Variants in ALCAM observed in about 807,000 individuals in gnomAD.
ALCAM encodes activated leukocyte cell adhesion molecule.
Under a neutral mutation model 70.9 loss-of-function variants are expected in ALCAM, and 30 were observed. That is an observed-to-expected ratio of 0.42 (90% CI 0.32 to 0.57). ALCAM has a LOEUF of 0.57. Ranked by LOEUF, ALCAM falls within the 20% of genes least tolerant of loss-of-function variation. The probability of loss-of-function intolerance (pLI) is 0.11; values close to 1 mark genes in which losing one functional copy is unlikely to be tolerated. For synonymous variants in ALCAM, 249 were observed against 242.5 expected, an observed-to-expected ratio of 1.03 and a Z score of -0.25; for missense variants, 591 against 695.1, an observed-to-expected ratio of 0.85 and a Z score of 1.68.
At chr3:105,461,608 G>A (rs1937606241) in intron 1 of ALCAM, among the ~76,000 whole-genome samples, 1 of 151,718 alleles carries the variant, frequency 6.6e-6, no homozygotes, top group East Asian at 1.9e-4. Flanking sequence ...GAAACTTGAG[G>A]AATGATTGGC....
chr3:105,378,394 A>G (rs560128151), intron 1 of ALCAM, among the ~76,000 whole-genome samples: 1 of 152,072 alleles, frequency 6.6e-6, no homozygotes, highest in Admixed American at 6.6e-5. Flanking sequence ...CTTATACTTT[A>G]TTCTGCAAGC....
chr3:105,458,279 T>C (rs1236124706), intron 1 of ALCAM, among the ~76,000 whole-genome samples: 2 of 152,214 alleles, frequency 1.3e-5, no homozygotes, highest in Non-Finnish European at 2.9e-5. Flanking sequence ...TACTTTAATG[T>C]ATCTTGAGAA....
chr3:105,397,312 T>G (rs1472871198), intron 1 of ALCAM, among the ~76,000 whole-genome samples: 2 of 152,030 alleles, frequency 1.3e-5, no homozygotes, highest in Non-Finnish European at 2.9e-5. Context: ...AAAGTGTATC[T>G]TCTGCAAGTT....
intron 1 of ALCAM, among the ~76,000 whole-genome samples, chr3:105,383,169 A>G (rs1935570186): frequency 6.6e-6 from 1 of 151,636 alleles, no homozygotes; most frequent in South Asian, 2.1e-4. Flanking sequence ...CACCTCCAGA[A>G]ATTCTTCCCT....
At chr3:105,460,182 T>G (rs1373557291) in intron 1 of ALCAM, among the ~76,000 whole-genome samples, 2 of 151,970 alleles carry the variant, frequency 1.3e-5, no homozygotes, top group African/African-American at 4.8e-5. Flanking sequence ...AAGGGAAACC[T>G]TTTTTCCCTT....
intron 1 of ALCAM, among the ~76,000 whole-genome samples, chr3:105,433,038 C>T (rs540252193): frequency 6.6e-6 from 1 of 152,214 alleles, no homozygotes; most frequent in East Asian, 1.9e-4. Flanking sequence ...TATAGGAAAG[C>T]AATCAGGATT....
In ALCAM at chr3:105,524,394, G is replaced by A. The variant is rs144550658; in HGVS notation, c.280G>A (p.Glu94Lys). ...ATACAAAGACAGATTGAACCTCTCA[G>A]AAAACTACACTTTGTCTATCAGTAA... ...PEYKDRLNLSENYTLSISNAR... is the reference protein window; with the variant it reads ...PEYKDRLNLSKNYTLSISNAR... Residue 94 changes from glutamate to lysine, a missense_variant, in exon 3 of 16, where the codon GAA becomes AAA. Around this residue, in one of 2 missense-constraint regions of ALCAM, gnomAD observed 427 missense variants for 450.4 expected, o/e 0.95. Coordinates refer to ENST00000306107, the MANE Select transcript of ALCAM (RefSeq NM_001627.4). The A allele has an allele frequency of 8.1e-6, 13 of 1,614,054 alleles. No individual in the cohort carries two copies. Among genetic ancestry groups the A allele is most frequent in the Non-Finnish European group, 1.1e-5 (13 of 1,180,028 alleles).
At chr3:105,556,067 T>C (rs1940510030) in intron 14 of ALCAM, among the ~76,000 whole-genome samples, 2 of 152,024 alleles carry the variant, frequency 1.3e-5, no homozygotes, top group South Asian at 2.1e-4. Context: ...GGTTACCTTC[T>C]ACTATGTTTT....
At chr3:105,414,085 G>C (rs1362249887) in intron 1 of ALCAM, among the ~76,000 whole-genome samples, 1 of 152,014 alleles carries the variant, frequency 6.6e-6, no homozygotes, top group African/African-American at 2.4e-5. Flanking sequence ...ATTTACGGTT[G>C]TCAGTAAAAG....
In ALCAM at chr3:105,367,334, C is replaced by T. The variant is rs1250523523; in HGVS notation, c.-75C>T. Reference sequence around the variant, plus strand: ...GCGTCGGGACCCGCCAGCGCGCGGGCACCGCGGGGCCCGGGACGACGCCCC... The same window carrying T: ...GCGTCGGGACCCGCCAGCGCGCGGGTACCGCGGGGCCCGGGACGACGCCCC... On this transcript the variant is annotated 5_prime_UTR_variant, in exon 1 of 16. Transcript: ENST00000306107. 4 of 1,516,922 alleles carry T rather than the reference C, an allele frequency of 2.6e-6. No individual in the cohort carries two copies. Among genetic ancestry groups the T allele is most frequent in the Non-Finnish European group, 3.6e-6 (4 of 1,103,736 alleles). 94.0% of individuals were successfully genotyped at this position (1,516,922 alleles called of 1,614,324 possible).
At chr3:105,464,694 C>T (rs772719634) in intron 1 of ALCAM, among the ~76,000 whole-genome samples, 1 of 151,360 alleles carries the variant, frequency 6.6e-6, no homozygotes, top group Non-Finnish European at 1.5e-5. Flanking sequence ...AGGACTCTGT[C>T]TTTGCAAAAT....
intron 1 of ALCAM, among the ~76,000 whole-genome samples, chr3:105,444,040 G>A (rs1488774142): frequency 1.3e-5 from 2 of 151,850 alleles, no homozygotes; most frequent in South Asian, 2.1e-4. Flanking sequence ...TTTCTTAAAG[G>A]GCTCTTTAAA....
intron 14 of ALCAM, among the ~76,000 whole-genome samples, chr3:105,554,034 G>A (rs1940466871): frequency 6.6e-6 from 1 of 151,850 alleles, no homozygotes; most frequent in Non-Finnish European, 1.5e-5. Flanking sequence ...GTCTTAAGCA[G>A]CCCACACCAA....
chr3:105,570,520 G>A (rs1038989473), intron 14 of ALCAM, among the ~76,000 whole-genome samples: 2 of 152,068 alleles, frequency 1.3e-5, no homozygotes, highest in African/African-American at 2.4e-5. Flanking sequence ...CTGAAGCACA[G>A]AGAGGAAAAA....
intron 15 of ALCAM, among the ~76,000 whole-genome samples, chr3:105,572,326 A>G (rs1365808048): frequency 1.3e-5 from 2 of 152,154 alleles, no homozygotes; most frequent in South Asian, 2.1e-4. Context: ...GAGTGAAAAC[A>G]TGCAATGTTG....
chr3:105,399,738 A>G (rs542827996), intron 1 of ALCAM, among the ~76,000 whole-genome samples: 3 of 152,268 alleles, frequency 2.0e-5, no homozygotes, highest in East Asian at 3.9e-4. Context: ...CACTCAAACC[A>G]TGAAAACCTG....
chr3:105,374,744 C>A (rs1296208056), intron 1 of ALCAM, among the ~76,000 whole-genome samples: 2 of 152,092 alleles, frequency 1.3e-5, no homozygotes, highest in African/African-American at 4.8e-5. Flanking sequence ...TCTGGAACTC[C>A]TGGCCTCAGG....
chr3:105,431,553 G>A (rs1054690589), intron 1 of ALCAM, among the ~76,000 whole-genome samples: 1 of 152,052 alleles, frequency 6.6e-6, no homozygotes, highest in African/African-American at 2.4e-5. Context: ...GACAGCATAA[G>A]GTGAGCCCAA....
At chr3:105,502,901 A>C (rs113764208) in intron 1 of ALCAM, among the ~76,000 whole-genome samples, 1 of 152,232 alleles carries the variant, frequency 6.6e-6, no homozygotes, top group African/African-American at 2.4e-5. Flanking sequence ...TGGATTCCCA[A>C]ATAAATTCAG....
Sources: allele counts gnomAD v4.1 joint callset (sites outside exome capture counted in the v4.1 genomes callset), GRCh38; gene constraint gnomAD v4.1.1; regional missense constraint gnomAD v4.1.1; transcripts MANE v1.5; gene names NCBI Gene and HGNC (gene_info 2026-07-23, HGNC 2026-07-21).